MIB1: variants seen among roughly 807,000 people sequenced by gnomAD.
The protein encoded by MIB1 is MIB E3 ubiquitin protein ligase 1.
In MIB1, 278 loss-of-function variants were observed where a neutral mutation model predicts 124.5. The ratio of observed to expected loss-of-function variants is 2.23; its 90% CI spans 2.02 to 2.47. MIB1 has a LOEUF of 2.47. Among genes scored for constraint, MIB1 ranks in the 30% most tolerant of loss-of-function variants. The pLI, the probability that MIB1 is intolerant of heterozygous loss-of-function variation, is 0.00. For missense variants in MIB1, 957 were observed against 1,254.4 expected (o/e 0.76, Z 3.58); for synonymous variants, 446 against 429.4 (o/e 1.04, Z -0.48).
intron 1 of MIB1, among the ~76,000 whole-genome samples, chr18:21,763,626 T>A (rs1349578654): frequency 3.3e-5 from 5 of 152,194 alleles, no homozygotes; most frequent in Non-Finnish European, 7.3e-5. Context: ...GTTCTAGATT[T>A]CAGTTTATTA....
chr18:21,854,596 CTT>C (rs34762697), intron 18 of MIB1: 205 of 116,268 alleles, frequency 1.8e-3, no homozygotes, highest in East Asian at 3.7e-3. Context: ...GCGTTTGCTC[CTT>C]TTTTTTTTTT....
intron 2 of MIB1, among the ~76,000 whole-genome samples, chr18:21,766,467 G>A (rs953794702): frequency 2.0e-5 from 3 of 152,204 alleles, no homozygotes; most frequent in Non-Finnish European, 4.4e-5. Context: ...TATGTATTAA[G>A]TGTCTTAGGA....
intron 12 of MIB1, among the ~76,000 whole-genome samples, chr18:21,834,460 G>A (rs1484729883): frequency 2.0e-5 from 3 of 152,128 alleles, no homozygotes; most frequent in African/African-American, 7.2e-5. Context: ...TAAGAGCATA[G>A]TTTAGAGATA....
chr18:21,765,923 T>G lies in MIB1; in HGVS notation c.381T>G (p.Ile127Met). The change falls in exon 2 of 21, where the codon ATT becomes ATG. Residue 127 changes from isoleucine (I) to methionine (M), a missense_variant. By Grantham distance (10) the Ile-to-Met change is conservative. Transcript: ENST00000261537. ...ATTTAAGACATCGCTTTTACCGAAT[T>G]ACTACACCGGGAAGTGAGAGGTAGG... The part of the protein sequence containing the change: ...KHHLRHRFYR[I>M]TTPGSERVLL... 1 of 1,614,106 alleles carries G rather than the reference T, an allele frequency of 6.2e-7. No individual in the cohort carries two copies. The highest frequency in any genetic ancestry group is 8.5e-7 in the Non-Finnish European group (1 of 1,179,970).
At chr18:21,765,624 A>T in intron 1 of MIB1, 148 bp from the exon 2 acceptor site, 1 of 702,014 alleles carries the variant, frequency 1.4e-6, no homozygotes, top group Non-Finnish European at 2.3e-6. Flanking sequence ...CATTATCTTG[A>T]AGCTATATGT....
At chr18:21,815,965 A>T (rs2041826925) in intron 11 of MIB1, 152 bp downstream of exon 11, 1 of 741,780 alleles carries the variant, frequency 1.3e-6, no homozygotes, top group Non-Finnish European at 2.1e-6. Flanking sequence ...ATTGGCAGCT[A>T]TTTCTTTTTT....
At chr18:21,829,963 T>C (rs1049772631) in intron 12 of MIB1, among the ~76,000 whole-genome samples, 18 of 152,102 alleles carry the variant, frequency 1.2e-4, no homozygotes, top group Non-Finnish European at 2.2e-4. Context: ...AAAGAAATTA[T>C]AGTTGGTAAG....
intron 12 of MIB1, among the ~76,000 whole-genome samples, chr18:21,830,989 T>G (rs978864221): frequency 2.6e-5 from 4 of 151,708 alleles, no homozygotes; most frequent in Non-Finnish European, 5.9e-5. Flanking sequence ...ATAGGGAAAG[T>G]TAAGCAATCA....
chr18:21,839,293 C>A (rs1482312284), intron 13 of MIB1, among the ~76,000 whole-genome samples: 1 of 152,120 alleles, frequency 6.6e-6, no homozygotes, highest in Non-Finnish European at 1.5e-5. Flanking sequence ...CACCTCCCCC[C>A]CACTACTTTA....
chr18:21,724,751 T>A (rs866199888), intron 1 of MIB1, among the ~76,000 whole-genome samples: 28 of 96,370 alleles, frequency 2.9e-4, no homozygotes, highest in African/African-American at 9.8e-4. Context: ...TATATATATA[T>A]ATATATATAT....
At position 21,799,978 on chromosome 18, in the gene MIB1, A is replaced by G. The variant is rs751678416; in HGVS notation, c.1371+4A>G. ...GCTTAAAAGACCAGATGTGGATGTG[A>G]GCATTTTAAAAATTATTTTGAAGCA... On this transcript the variant is annotated splice_donor_region_variant and intron_variant, in intron 9 of 20. Coordinates refer to ENST00000261537, the MANE Select transcript of MIB1 (RefSeq NM_020774.4). The G allele has an allele frequency of 1.9e-6, 3 of 1,607,808 alleles. No homozygotes were observed. The highest frequency in any genetic ancestry group is 1.1e-5 in the South Asian group (1 of 90,234).
At chr18:21,756,375 A>C (rs945644908) in intron 1 of MIB1, among the ~76,000 whole-genome samples, 4 of 152,220 alleles carry the variant, frequency 2.6e-5, no homozygotes, top group East Asian at 1.9e-4. Context: ...ATGAAATCAG[A>C]GTAGTTCAAG....
intron 20 of MIB1, among the ~76,000 whole-genome samples, chr18:21,860,729 G>A (rs1381153457): frequency 1.3e-5 from 2 of 152,094 alleles, no homozygotes; most frequent in South Asian, 2.1e-4. Flanking sequence ...AATGACCCTT[G>A]TGATAACTAA....
At chr18:21,783,284 C>T (rs945172567) in intron 6 of MIB1, among the ~76,000 whole-genome samples, 56 of 151,652 alleles carry the variant, frequency 3.7e-4, no homozygotes, top group African/African-American at 1.3e-3. Context: ...ACTCTGTCGC[C>T]CAGGCTGGAG....
intron 20 of MIB1, among the ~76,000 whole-genome samples, chr18:21,863,531 C>A (rs144635146): frequency 6.6e-6 from 1 of 152,102 alleles, no homozygotes; most frequent in East Asian, 1.9e-4. Flanking sequence ...CCATCTCTTC[C>A]CTGAAGTTAA....
chr18:21,758,475 G>T (rs1008628775), intron 1 of MIB1, among the ~76,000 whole-genome samples: 1 of 151,950 alleles, frequency 6.6e-6, no homozygotes, highest in East Asian at 1.9e-4. Context: ...TTCTTGGTTT[G>T]TTGAATGACA....
chr18:21,868,552 A>G lies in MIB1; in HGVS notation c.*3886A>G, dbSNP rs2042336089. 6.6e-6 allele frequency: 1 copy of G among 152,444 alleles called. No homozygotes were observed. Among genetic ancestry groups the G allele is most frequent in the African/African-American group, 2.4e-5 (1 of 41,440 alleles). The allele number at this position is 152,444 out of a possible 1,614,324, so 9.4% of individuals were successfully genotyped here. ...AGAATTAGATTAGCTTTGAGTTTGTACAATTGGGAACATAATAGATTTTCA... is the reference window on the plus strand; with the variant it reads ...AGAATTAGATTAGCTTTGAGTTTGTGCAATTGGGAACATAATAGATTTTCA... On this transcript the variant is annotated 3_prime_UTR_variant, in exon 21 of 21. Transcript: ENST00000261537.
chr18:21,780,223 T>G (rs2041343131), intron 6 of MIB1, among the ~76,000 whole-genome samples: 3 of 152,320 alleles, frequency 2.0e-5, no homozygotes, highest in Admixed American at 2.0e-4. Flanking sequence ...AGTATTAACA[T>G]CACCCCTTCT....
At chr18:21,821,194 CT>C (rs1032189944) in intron 12 of MIB1, among the ~76,000 whole-genome samples, 6 of 152,030 alleles carry the variant, frequency 3.9e-5, no homozygotes, top group Non-Finnish European at 8.8e-5. Context: ...CAGTCTTTTT[CT>C]TGATTTAAAT....
Sources: gnomAD v4.1 joint callset for allele counts (sites outside exome capture counted in the v4.1 genomes callset) on GRCh38, gnomAD v4.1.1 for gene constraint, MANE v1.5 for transcripts, NCBI Gene and HGNC (gene_info 2026-07-23, HGNC 2026-07-21) for gene names.